ARHGEF9: variants seen among roughly 807,000 people sequenced by gnomAD.
ARHGEF9 encodes Cdc42 guanine nucleotide exchange factor 9, also known as rho guanine nucleotide exchange factor 9.
In ARHGEF9, 2 loss-of-function variants were observed where a neutral mutation model predicts 41.3. That is an observed-to-expected ratio of 0.05 (90% CI 0.02 to 0.15). The LOEUF (loss-of-function observed/expected upper bound fraction) is 0.15, where lower values mean the gene tolerates loss of function less well. ARHGEF9 is among the 10% of genes least tolerant of loss of function. The pLI is 1.00. For synonymous variants in ARHGEF9, 160 were observed against 154.4 expected (o/e 1.04, Z -0.27); for missense variants, 225 against 424.7 (o/e 0.53, Z 4.13).
chrX:63,676,315 T>C (rs2050259225), intron 5 of ARHGEF9, among the ~76,000 whole-genome samples: 1 of 112,456 alleles, frequency 8.9e-6, no homozygotes, highest in Admixed American at 9.4e-5. Flanking sequence ...CAGTGAATGT[T>C]AGCTATTATC....
intron 1 of ARHGEF9, among the ~76,000 whole-genome samples, chrX:63,764,037 C>A (rs1375337111): frequency 1.8e-5 from 2 of 111,801 alleles, no homozygotes; most frequent in African/African-American, 3.3e-5. Flanking sequence ...GTTCAACTTA[C>A]AGAATGGAGG....
At chrX:63,762,261 A>G (rs1196263470) in intron 1 of ARHGEF9, among the ~76,000 whole-genome samples, 2 of 112,074 alleles carry the variant, frequency 1.8e-5, no homozygotes, top group African/African-American at 6.5e-5. Context: ...TTAAGCATGG[A>G]GCTTTGCTTA....
At chrX:63,776,330 G>A (rs2056292974) in intron 1 of ARHGEF9, among the ~76,000 whole-genome samples, 1 of 110,971 alleles carries the variant, frequency 9.0e-6, no homozygotes, top group Non-Finnish European at 1.9e-5. Flanking sequence ...GGGGCCATAT[G>A]GTCTCTGTCA....
intron 1 of ARHGEF9, among the ~76,000 whole-genome samples, chrX:63,779,452 A>C (rs1228250804): frequency 9.0e-6 from 1 of 111,624 alleles, no homozygotes; most frequent in African/African-American, 3.3e-5. Context: ...TAAAACCATC[A>C]GATCTTTTGA....
At chrX:63,674,300 C>A (rs2050126993) in intron 5 of ARHGEF9, 133 bp from the exon 6 acceptor site, 3 of 687,951 alleles carry the variant, frequency 4.4e-6, no homozygotes, top group African/African-American at 4.3e-5. Flanking sequence ...GGAACCCACA[C>A]CACCTAAAGA....
At chrX:63,717,164 T>A (rs2053358458) in intron 2 of ARHGEF9, among the ~76,000 whole-genome samples, 1 of 111,675 alleles carries the variant, frequency 9.0e-6, no homozygotes, top group Non-Finnish European at 1.9e-5. Context: ...TAAAAAGAAG[T>A]TTTTCAATCC....
intron 1 of ARHGEF9, among the ~76,000 whole-genome samples, chrX:63,726,168 T>C (rs782102209): frequency 9.0e-6 from 1 of 111,368 alleles, no homozygotes; most frequent in Non-Finnish European, 1.9e-5. Flanking sequence ...AGGTAAGGCA[T>C]AGGGTGAGCT....
chrX:63,717,677 T>A (rs2147581652), intron 2 of ARHGEF9, among the ~76,000 whole-genome samples: 1 of 112,056 alleles, frequency 8.9e-6, no homozygotes, highest in Admixed American at 9.4e-5. Context: ...TTCTACCATT[T>A]ACATTAAGAG....
At chrX:63,706,826 G>C (rs781843004) in intron 2 of ARHGEF9, among the ~76,000 whole-genome samples, 5 of 112,413 alleles carry the variant, frequency 4.4e-5, no homozygotes, top group Admixed American at 3.7e-4. Context: ...AAATACTAGA[G>C]TGGGTGTCTT....
intron 8 of ARHGEF9, among the ~76,000 whole-genome samples, chrX:63,649,097 A>G (rs1450810504): frequency 9.0e-6 from 1 of 111,530 alleles, no homozygotes; most frequent in Non-Finnish European, 1.9e-5. Context: ...TGCACCAAGC[A>G]GACCTAATAG....
rs1305810356 is a variant in ARHGEF9 at position 63,635,291 on chromosome X, A to G, written c.*2737T>C. The G allele has an allele frequency of 8.7e-5, 43 of 496,444 alleles. No individual in the cohort carries two copies. Among genetic ancestry groups the G allele is most frequent in the East Asian group, 5.3e-4 (14 of 26,170 alleles). 40.9% of individuals were successfully genotyped at this position (496,444 alleles called of 1,213,427 possible). ...GAAATATACACATAGAGAGGGGGGG[A>G]AAAAGAGAGAATAATTAGATGTCTG... On this transcript the variant is annotated 3_prime_UTR_variant, in exon 10 of 10. Transcript: ENST00000671741.
chrX:63,762,123 C>T (rs2056044379), intron 1 of ARHGEF9, among the ~76,000 whole-genome samples: 1 of 111,640 alleles, frequency 9.0e-6, no homozygotes, highest in Non-Finnish European at 1.9e-5. Flanking sequence ...GATAATTCCA[C>T]TCCTGAGCCT....
At chrX:63,762,987 C>T (rs2056058307) in intron 1 of ARHGEF9, among the ~76,000 whole-genome samples, 1 of 112,197 alleles carries the variant, frequency 8.9e-6, no homozygotes, top group Non-Finnish European at 1.9e-5. Flanking sequence ...TCTCTAGCTA[C>T]TTTATTGTAA....
intron 7 of ARHGEF9, among the ~76,000 whole-genome samples, chrX:63,663,380 T>C (rs2049334979): frequency 9.0e-6 from 1 of 111,511 alleles, no homozygotes; most frequent in South Asian, 3.8e-4. Context: ...ATATGTAAAA[T>C]ATTATATATT....
chrX:63,687,449 T>G (rs782021947), intron 4 of ARHGEF9, among the ~76,000 whole-genome samples: 1 of 111,059 alleles, frequency 9.0e-6, no homozygotes, highest in East Asian at 2.9e-4. Flanking sequence ...AATCCTTCAA[T>G]GCAAATGCAC....
intron 1 of ARHGEF9, among the ~76,000 whole-genome samples, chrX:63,770,150 T>TA (rs1165669888): frequency 9.8e-5 from 11 of 112,223 alleles, no homozygotes; most frequent in Non-Finnish European, 1.5e-4. Flanking sequence ...CCCAAAACCA[T>TA]AAAAACCCAC....
At chrX:63,712,056 C>T (rs1556407214) in intron 2 of ARHGEF9, among the ~76,000 whole-genome samples, 1 of 111,622 alleles carries the variant, frequency 9.0e-6, no homozygotes, top group African/African-American at 3.2e-5. Context: ...AAATGCAAAC[C>T]AAAACCATAA....
intron 8 of ARHGEF9, among the ~76,000 whole-genome samples, chrX:63,650,699 G>A (rs1311891279): frequency 1.8e-5 from 2 of 110,635 alleles, no homozygotes; most frequent in South Asian, 3.8e-4. Flanking sequence ...GATGAATATC[G>A]CAATTACCCT....
In ARHGEF9 at chrX:63,638,203, T is replaced by C. The variant is rs2147114917; in HGVS notation, c.1397A>G (p.Asn466Ser). The change falls in exon 10 of 10, where the codon AAC (asparagine) becomes AGC (serine). Residue 466 changes from asparagine (N) to serine (S), a missense_variant. By Grantham distance (46) the Asn-to-Ser change is conservative (BLOSUM62 1). This residue lies in a region of ARHGEF9 where 75 missense variants were observed against 113.2 expected (regional missense o/e 0.66). Transcript: ENST00000671741. ...VRKVPKQKGVNSARSVPPSYP... is the reference protein window; with the variant it reads ...VRKVPKQKGVSSARSVPPSYP... ...GGAAGGAGGAACTGAGCGGGCAGAG[T>C]TGACACCTAGAGTAGATGAGAGATC... The C allele has an allele frequency of 8.5e-7, 1 of 1,182,231 alleles. No homozygotes were observed. Among genetic ancestry groups the C allele is most frequent in the Non-Finnish European group, 1.1e-6 (1 of 880,330 alleles).
Sources: allele counts gnomAD v4.1 joint callset (sites outside exome capture counted in the v4.1 genomes callset), GRCh38; gene constraint gnomAD v4.1.1; regional missense constraint gnomAD v4.1.1; transcripts MANE v1.5; gene names NCBI Gene and HGNC (gene_info 2026-07-23, HGNC 2026-07-21).